Variants in VAT1L observed in about 807,000 individuals in gnomAD.
VAT1L encodes putative NADPH-dependent quinone oxidoreductase VAT1L.
In VAT1L, 34 loss-of-function variants were observed where a neutral mutation model predicts 44.1. The observed-to-expected ratio is 0.77, with a 90% CI of 0.59 to 1.03. The LOEUF is 1.03. Ranked by LOEUF, VAT1L falls within the 50% of genes least tolerant of loss-of-function variation. VAT1L has a pLI of 0.00. For synonymous variants in VAT1L, 253 were observed against 202.2 expected, an observed-to-expected ratio of 1.25 and a Z score of -2.13; for missense variants, 615 against 538.8, an observed-to-expected ratio of 1.14 and a Z score of -1.40.
chr16:77,816,105 A>T (rs1441381539), intron 1 of VAT1L, among the ~76,000 whole-genome samples: 1 of 151,876 alleles, frequency 6.6e-6, no homozygotes, highest in African/African-American at 2.4e-5. Flanking sequence ...GATAAAATAA[A>T]AAGAGTCCAG....
chr16:77,804,571 A>G (rs2016121706), intron 1 of VAT1L, among the ~76,000 whole-genome samples: 2 of 152,172 alleles, frequency 1.3e-5, no homozygotes, highest in Admixed American at 6.5e-5. Flanking sequence ...ATCCCAAGCT[A>G]TATTACCCTC....
chr16:77,846,308 A>G (rs1315709894), intron 3 of VAT1L, among the ~76,000 whole-genome samples: 2 of 152,310 alleles, frequency 1.3e-5, no homozygotes, highest in East Asian at 3.9e-4. Context: ...AACAGCCCCC[A>G]GCAGGTTCCG....
chr16:77,862,998 A>G, intron 4 of VAT1L, 108 bp downstream of exon 4: 1 of 1,355,528 alleles, frequency 7.4e-7, no homozygotes, highest in Admixed American at 2.2e-5. Context: ...GCAAACATAT[A>G]TTGGGGGCTT....
intron 8 of VAT1L, among the ~76,000 whole-genome samples, chr16:77,975,762 A>G (rs1272251526): frequency 1.3e-5 from 2 of 152,214 alleles, no homozygotes; most frequent in Non-Finnish European, 2.9e-5. Flanking sequence ...ATGATGTGTC[A>G]TGAGGTCAGA....
intron 7 of VAT1L, chr16:77,892,779 A>G (rs926581816): frequency 5.8e-5 from 45 of 777,574 alleles, no homozygotes; most frequent in Non-Finnish European, 9.4e-5. Context: ...GCCAAGACTG[A>G]GGGGTTGGAT....
chr16:77,896,054 G>T (rs753045660), intron 7 of VAT1L, among the ~76,000 whole-genome samples: 1 of 152,182 alleles, frequency 6.6e-6, no homozygotes, highest in African/African-American at 2.4e-5. Context: ...CAGAGTGATG[G>T]GGAGGCTGAC....
intron 1 of VAT1L, among the ~76,000 whole-genome samples, chr16:77,816,712 G>C (rs57531856): frequency 2.2e-4 from 33 of 151,918 alleles, no homozygotes; most frequent in African/African-American, 7.7e-4. Flanking sequence ...TATCTGCATA[G>C]AGATAATTGA....
chr16:77,830,324 C>T lies in VAT1L; in HGVS notation c.579+4863C>T, dbSNP rs148234239. 3.6e-3 allele frequency among the ~76,000 whole-genome samples: 553 copies of T among 152,300 alleles called. 3 individuals carry two copies. Among genetic ancestry groups the T allele is most frequent in the African/African-American group, 0.013 (522 of 41,572 alleles). On this transcript the variant is annotated intron_variant, in intron 3 of 8. Coordinates refer to ENST00000302536, the MANE Select transcript of VAT1L (RefSeq NM_020927.3). ...ATGTAAGCTCCTCTGGGAAGCCATA[C>T]TGTCCTCTCTTGTCTGGGTAGCCTT...
chr16:77,856,361 C>T (rs1429801954), intron 3 of VAT1L, among the ~76,000 whole-genome samples: 1 of 152,174 alleles, frequency 6.6e-6, no homozygotes, highest in Non-Finnish European at 1.5e-5. Flanking sequence ...TCCTGAATCT[C>T]AGTGCACTGG....
intron 7 of VAT1L, among the ~76,000 whole-genome samples, chr16:77,958,724 T>C (rs2018130658): frequency 6.6e-6 from 1 of 152,226 alleles, no homozygotes; most frequent in African/African-American, 2.4e-5. Context: ...ATGATGTATA[T>C]TTGATCAGGA....
intron 3 of VAT1L, among the ~76,000 whole-genome samples, chr16:77,842,558 A>G (rs77720703): frequency 0.015 from 2,318 of 152,322 alleles, 60 homozygotes; most frequent in African/African-American, 0.054. Flanking sequence ...CTAGGTAGCC[A>G]AGAAACATGG....
At chr16:77,922,791 C>T (rs987842221) in intron 7 of VAT1L, among the ~76,000 whole-genome samples, 2 of 152,186 alleles carry the variant, frequency 1.3e-5, no homozygotes, top group African/African-American at 4.8e-5. Flanking sequence ...ACCCCCTCCC[C>T]ATGGAGCCAG....
intron 8 of VAT1L, among the ~76,000 whole-genome samples, chr16:77,976,627 A>C (rs2018343544): frequency 6.6e-6 from 1 of 152,190 alleles, no homozygotes; most frequent in South Asian, 2.1e-4. Context: ...GGCACAGATC[A>C]TGTAGGGGAT....
At chr16:77,911,511 G>A (rs888031074) in intron 7 of VAT1L, among the ~76,000 whole-genome samples, 1 of 152,160 alleles carries the variant, frequency 6.6e-6, no homozygotes, top group African/African-American at 2.4e-5. Flanking sequence ...TATTCTACAA[G>A]GCCAAGAGGA....
At chr16:77,887,135 T>C (rs1375199939) in intron 7 of VAT1L, among the ~76,000 whole-genome samples, 2 of 152,018 alleles carry the variant, frequency 1.3e-5, no homozygotes, top group East Asian at 3.9e-4. Flanking sequence ...AGGGAGAGAA[T>C]TCAACACAAG....
At chr16:77,934,192 G>C (rs1415036406) in intron 7 of VAT1L, among the ~76,000 whole-genome samples, 1 of 152,054 alleles carries the variant, frequency 6.6e-6, no homozygotes, top group African/African-American at 2.4e-5. Context: ...AAACCAACCA[G>C]ATTTATTGGC....
chr16:77,812,105 A>G (rs923240703), intron 1 of VAT1L, among the ~76,000 whole-genome samples: 5 of 144,636 alleles, frequency 3.5e-5, no homozygotes, highest in Non-Finnish European at 6.0e-5. Flanking sequence ...TTTTTTTGAC[A>G]GAGTCTCGCT....
intron 3 of VAT1L, among the ~76,000 whole-genome samples, chr16:77,836,514 T>G (rs7195193): frequency 6.6e-6 from 1 of 152,230 alleles, no homozygotes; most frequent in Admixed American, 6.5e-5. Flanking sequence ...TAAGACCCTC[T>G]TTCCCTAACT....
intron 4 of VAT1L, among the ~76,000 whole-genome samples, chr16:77,863,487 G>A (rs950461051): frequency 6.6e-6 from 1 of 152,242 alleles, no homozygotes; most frequent in Non-Finnish European, 1.5e-5. Context: ...TGGCAGTAAA[G>A]GGTGGAGCCT....
Sources: allele counts gnomAD v4.1 joint callset (sites outside exome capture counted in the v4.1 genomes callset), GRCh38; gene constraint gnomAD v4.1.1; transcripts MANE v1.5; gene names NCBI Gene and HGNC (gene_info 2026-07-23, HGNC 2026-07-21).